Variants in H2BC18 observed in about 807,000 individuals in gnomAD.
H2BC18 encodes histone H2B type 2-F.
Under a neutral mutation model 6.3 loss-of-function variants are expected in H2BC18, and 8 were observed. That is an observed-to-expected ratio of 1.28 (90% CI 0.75 to 2.31). H2BC18 has a LOEUF of 2.31. Ranked by LOEUF, H2BC18 falls within the 30% of genes most tolerant of loss-of-function variation. The pLI, the probability that H2BC18 is intolerant of heterozygous loss-of-function variation, is 0.00. For synonymous variants in H2BC18, 104 were observed against 78.1 expected (o/e 1.33, Z -1.75); for missense variants, 106 against 174.5 (o/e 0.61, Z 2.21).
intron 1 of H2BC18, chr1:149,805,227 C>T (rs1370451230): frequency 1.3e-5 from 2 of 151,868 alleles, no homozygotes; most frequent in South Asian, 4.2e-4. Context: ...GATATTGAAC[C>T]TGAAATAATT....
intron 1 of H2BC18, among the ~76,000 whole-genome samples, chr1:149,793,786 C>G (rs1227883172): frequency 2.6e-5 from 4 of 151,826 alleles, no homozygotes; most frequent in African/African-American, 9.7e-5. Flanking sequence ...GCCACAAGAG[C>G]TTCTGTAAGA....
At chr1:149,804,860 C>T (rs1390700227) in intron 1 of H2BC18, among the ~76,000 whole-genome samples, 5 of 151,632 alleles carry the variant, frequency 3.3e-5, no homozygotes, top group Admixed American at 6.6e-5. Flanking sequence ...TGATGTTCAT[C>T]GCCACTACAG....
At chr1:149,811,749 A>G (rs587606238), downstream of H2BC18, 14 of 676,522 alleles carry the variant, frequency 2.1e-5, no homozygotes, top group Non-Finnish European at 2.5e-5. Flanking sequence ...CTGAGGGCCA[A>G]CTCATTACAG....
At chr1:149,793,871 G>T in intron 1 of H2BC18, 2 of 1,283,676 alleles carry the variant, frequency 1.6e-6, no homozygotes, top group South Asian at 2.5e-5. Context: ...ACCGGTTTGG[G>T]GTAAAACAGG....
At chr1:149,802,405 T>G (rs1553753466) in intron 1 of H2BC18, among the ~76,000 whole-genome samples, 1 of 152,132 alleles carries the variant, frequency 6.6e-6, no homozygotes, top group Non-Finnish European at 1.5e-5. Context: ...ATATGGGTCT[T>G]AAGTAAGTAA....
At chr1:149,790,369 C>G in intron 1 of H2BC18, 1 of 1,569,306 alleles carries the variant, frequency 6.4e-7, no homozygotes. Flanking sequence ...GCCACTGGCA[C>G]AGAAGAAGGG....
chr1:149,784,579 T>C (rs1234664364), intron 1 of H2BC18, among the ~76,000 whole-genome samples: 1 of 151,722 alleles, frequency 6.6e-6, no homozygotes, highest in African/African-American at 2.4e-5. Context: ...TAATGAACAA[T>C]GAAATATCTT....
At chr1:149,804,336 A>G (rs2091898933) in intron 1 of H2BC18, among the ~76,000 whole-genome samples, 1 of 152,226 alleles carries the variant, frequency 6.6e-6, no homozygotes, top group South Asian at 2.1e-4. Context: ...AGTAACAGAC[A>G]CTATAAAGTC....
intron 1 of H2BC18, among the ~76,000 whole-genome samples, chr1:149,790,581 A>C (rs1481851066): frequency 1.5e-5 from 2 of 135,894 alleles, no homozygotes; most frequent in Non-Finnish European, 3.2e-5. Context: ...TCTTTCCTTC[A>C]TTTTCTCCTC....
intron 1 of H2BC18, among the ~76,000 whole-genome samples, chr1:149,789,325 G>C (rs1202485720): frequency 1.3e-5 from 2 of 152,034 alleles, no homozygotes; most frequent in African/African-American, 4.8e-5. Flanking sequence ...CCCGGGAAGC[G>C]GAGCTTGCAG....
intron 1 of H2BC18, chr1:149,785,837 C>A (rs1424835078): frequency 6.6e-6 from 1 of 152,162 alleles, no homozygotes; most frequent in African/African-American, 2.4e-5. Context: ...CTGACACTGA[C>A]TTCCAGCACC....
chr1:149,789,457 G>A (rs2091644965), intron 1 of H2BC18, among the ~76,000 whole-genome samples: 1 of 151,524 alleles, frequency 6.6e-6, no homozygotes. Flanking sequence ...AAGTGTGTGA[G>A]TCAGGGTTCA....
chr1:149,790,346 A>C (rs1553751634), intron 1 of H2BC18: 10 of 1,585,554 alleles, frequency 6.3e-6, no homozygotes, highest in Non-Finnish European at 8.6e-6. Flanking sequence ...TTGGTGAGTG[A>C]GAATGACGGG....
chr1:149,792,866 C>T (rs2091746614), intron 1 of H2BC18: 1 of 1,254,250 alleles, frequency 8.0e-7, no homozygotes, highest in Non-Finnish European at 1.0e-6. Flanking sequence ...GTTCGTGTCC[C>T]ATTCGCCCGA....
downstream of H2BC18, among the ~76,000 whole-genome samples, chr1:149,808,263 C>T (rs1283075951): frequency 1.3e-5 from 2 of 152,214 alleles, no homozygotes; most frequent in Non-Finnish European, 2.9e-5. Context: ...ACAGAAAACT[C>T]CAGTTGAACC....
At chr1:149,789,270 G>A (rs2091634932) in intron 1 of H2BC18, among the ~76,000 whole-genome samples, 1 of 152,064 alleles carries the variant, frequency 6.6e-6, no homozygotes, top group African/African-American at 2.4e-5. Flanking sequence ...GCGGGCACCT[G>A]TAGTCCCAGC....
chr1:149,789,573 C>T (rs868965669), intron 1 of H2BC18, among the ~76,000 whole-genome samples: 1 of 152,108 alleles, frequency 6.6e-6, no homozygotes, highest in Non-Finnish European at 1.5e-5. Context: ...CTTACTGGTC[C>T]GTGGCCTGTT....
chr1:149,806,421 T>C (rs868921425), intron 1 of H2BC18, among the ~76,000 whole-genome samples: 4 of 152,188 alleles, frequency 2.6e-5, no homozygotes, highest in Middle Eastern at 6.8e-3. Flanking sequence ...ACCCCGTCTC[T>C]ACTAAAAATA....
At chr1:149,792,716 C>T in intron 1 of H2BC18, 1 of 1,283,678 alleles carries the variant, frequency 7.8e-7, no homozygotes, top group South Asian at 1.2e-5. Context: ...TGGGCGCGCG[C>T]TTCTCCGCAG....
Sources: allele counts gnomAD v4.1 joint callset (sites outside exome capture counted in the v4.1 genomes callset), GRCh38; gene constraint gnomAD v4.1.1; transcripts MANE v1.5; gene names NCBI Gene and HGNC (gene_info 2026-07-23, HGNC 2026-07-21).